CALN1: variants seen among roughly 807,000 people sequenced by gnomAD.
CALN1 encodes calneuron 1.
A neutral mutation model predicts 30.6 loss-of-function variants in CALN1; 17 were observed. The observed-to-expected ratio is 0.56, with a 90% confidence interval of 0.38 to 0.83. CALN1 has a LOEUF of 0.83. Among genes scored for constraint, CALN1 ranks in the 40% least tolerant of loss-of-function variants. The pLI is 0.00. For synonymous variants in CALN1, 156 were observed against 131.4 expected (o/e 1.19, Z -1.28); for missense variants, 291 against 354.9 (o/e 0.82, Z 1.45).
In CALN1 at chr7:72,121,469, T is replaced by C. The variant is rs562778811; in HGVS notation, c.245-15175A>G. ...ATATATAGTATAGATATATATAATA[T>C]AGATATATAATTATGTTATTTATAA... On this transcript the variant is annotated intron_variant, in intron 3 of 6. Coordinates refer to ENST00000395275, the MANE Select transcript of CALN1 (RefSeq NM_031468.4). Among the ~76,000 whole-genome samples the C allele has an allele frequency of 9.8e-3, 1,441 of 147,198 alleles. 14 individuals are homozygous for C. The highest frequency in any genetic ancestry group is 0.035 in the African/African-American group (1,402 of 40,586).
intron 5 of CALN1, among the ~76,000 whole-genome samples, chr7:71,852,711 C>G (rs1488418108): frequency 6.6e-6 from 1 of 152,194 alleles, no homozygotes; most frequent in East Asian, 1.9e-4. Context: ...CACATCCTTG[C>G]CAACATTCGG....
At chr7:72,349,122 A>T (rs746358067) in intron 2 of CALN1, among the ~76,000 whole-genome samples, 11 of 152,212 alleles carry the variant, frequency 7.2e-5, no homozygotes, top group Non-Finnish European at 1.5e-4. Flanking sequence ...TAGAAAAATA[A>T]GTGAGTTTGA....
At chr7:72,471,880 A>T in the CALN1 span, among the ~76,000 whole-genome samples, 1 of 152,138 alleles carries the variant, frequency 6.6e-6, no homozygotes, top group Non-Finnish European at 1.5e-5. Context: ...AGTTCACTGC[A>T]GCCTTAAACT....
At chr7:71,944,745 C>A (rs1049808561) in intron 5 of CALN1, among the ~76,000 whole-genome samples, 3 of 152,044 alleles carry the variant, frequency 2.0e-5, no homozygotes, top group African/African-American at 7.2e-5. Context: ...ATTAATACAT[C>A]CGAAGTCAAG....
rs555990227 is a variant in CALN1 at position 72,296,222 on chromosome 7, C to T, written c.120-17412G>A. 1.1e-3 allele frequency among the ~76,000 whole-genome samples: 160 copies of T among 150,820 alleles called. 2 individuals carry two copies. The highest frequency in any genetic ancestry group is 3.6e-3 in the African/African-American group (148 of 41,058). On this transcript the variant is annotated intron_variant, in intron 2 of 6. Transcript: ENST00000395275. ...ATCCCAGGGATGAAGCCCACTTGATCATGGTGGATAAGCTTTTTGATGTGC... is the reference window on the plus strand; with the variant it reads ...ATCCCAGGGATGAAGCCCACTTGATTATGGTGGATAAGCTTTTTGATGTGC...
chr7:72,400,615 A>G (rs1806276781), intron 2 of CALN1, among the ~76,000 whole-genome samples: 1 of 152,146 alleles, frequency 6.6e-6, no homozygotes, highest in South Asian at 2.1e-4. Context: ...CAAGCCTATA[A>G]TCCCAGCACT....
chr7:71,970,519 G>A (rs1363325494), intron 5 of CALN1, among the ~76,000 whole-genome samples: 3 of 151,902 alleles, frequency 2.0e-5, no homozygotes, highest in Admixed American at 6.6e-5. Context: ...TTAGGCTTTG[G>A]CCGTTAAGAA....
chr7:71,798,931 T>C (rs1326426195), intron 6 of CALN1, among the ~76,000 whole-genome samples: 1 of 152,114 alleles, frequency 6.6e-6, no homozygotes, highest in Non-Finnish European at 1.5e-5. Context: ...GCTGAGAGTC[T>C]TGATGAATAT....
intron 3 of CALN1, among the ~76,000 whole-genome samples, chr7:72,203,574 G>C (rs1424428409): frequency 1.3e-5 from 2 of 152,022 alleles, no homozygotes; most frequent in Non-Finnish European, 2.9e-5. Flanking sequence ...CATGCTCCCT[G>C]GATCACATCC....
chr7:72,288,912 T>A (rs1183692338), intron 2 of CALN1, among the ~76,000 whole-genome samples: 1 of 152,224 alleles, frequency 6.6e-6, no homozygotes, highest in Non-Finnish European at 1.5e-5. Context: ...TTTGCCAATT[T>A]TCTGCTCATC....
At chr7:72,457,004 CTTTTTTTTTTTT>C in the CALN1 span, among the ~76,000 whole-genome samples, 382 of 106,584 alleles carry the variant, frequency 3.6e-3, no homozygotes, top group African/African-American at 0.014. Flanking sequence ...TTCTTTCTTT[CTTTTTTTTTTTT>C]TTTTTTTTTG....
At chr7:71,801,885 T>G (rs1254903661) in intron 6 of CALN1, among the ~76,000 whole-genome samples, 24 of 151,566 alleles carry the variant, frequency 1.6e-4, no homozygotes, top group Non-Finnish European at 3.5e-4. Flanking sequence ...GACTGAGGCA[T>G]GAGAATTGCT....
the CALN1 span, among the ~76,000 whole-genome samples, chr7:72,454,248 G>A: frequency 4.4e-4 from 67 of 152,310 alleles, no homozygotes; most frequent in Non-Finnish European, 5.9e-5. Context: ...CCCAGGCAGT[G>A]CCTGGAGAAG....
At chr7:72,317,390 C>T (rs749162300) in intron 2 of CALN1, among the ~76,000 whole-genome samples, 5 of 152,212 alleles carry the variant, frequency 3.3e-5, no homozygotes, top group African/African-American at 1.2e-4. Flanking sequence ...GTGAGTCTTA[C>T]AAGCCATCAT....
rs534301883 is a variant in CALN1, at chr7:71,811,719, C to T, written c.502-1227G>A. Reference sequence around the variant, plus strand: ...CCGAAATGGAGTCTTGCTTCCATCTCGCAGGCTGGAGTGCAGTGGCGCGAT... The same window carrying T: ...CCGAAATGGAGTCTTGCTTCCATCTTGCAGGCTGGAGTGCAGTGGCGCGAT... On this transcript the variant is annotated intron_variant, in intron 5 of 6. Transcript: ENST00000395275. Among the ~76,000 whole-genome samples, 214 of 146,190 alleles carry T rather than the reference C, an allele frequency of 1.5e-3. 1 individual carries two copies. The highest frequency in any genetic ancestry group is 3.2e-3 in the East Asian group (15 of 4,706).
At chr7:72,152,305 G>T (rs1787316090) in intron 3 of CALN1, among the ~76,000 whole-genome samples, 1 of 152,114 alleles carries the variant, frequency 6.6e-6, no homozygotes, top group Admixed American at 6.5e-5. Context: ...AACAAAACAG[G>T]ATGTTCTGTT....
chr7:71,988,485 A>C (rs1266397246), intron 5 of CALN1, among the ~76,000 whole-genome samples: 1 of 152,170 alleles, frequency 6.6e-6, no homozygotes, highest in Non-Finnish European at 1.5e-5. Context: ...CAGAGAGCAT[A>C]CTTGTTGGTT....
chr7:72,250,736 T>G (rs1795497407), intron 3 of CALN1, among the ~76,000 whole-genome samples: 1 of 152,076 alleles, frequency 6.6e-6, no homozygotes, highest in Non-Finnish European at 1.5e-5. Flanking sequence ...TGCGACGTGA[T>G]GCCCACTCCC....
At chr7:72,484,539 C>CT in the CALN1 span, among the ~76,000 whole-genome samples, 6 of 152,290 alleles carry the variant, frequency 3.9e-5, no homozygotes, top group African/African-American at 1.4e-4. Flanking sequence ...CCACCGCCCG[C>CT]CCCCGCGTAG....
Sources: gnomAD v4.1 joint callset for allele counts (sites outside exome capture counted in the v4.1 genomes callset) on GRCh38, gnomAD v4.1.1 for gene constraint, MANE v1.5 for transcripts, NCBI Gene and HGNC (gene_info 2026-07-23, HGNC 2026-07-21) for gene names.